Variants in MYO9A observed in about 807,000 individuals in gnomAD.
MYO9A encodes myosin IXA.
A neutral mutation model predicts 293.3 loss-of-function variants in MYO9A; 103 were observed. The ratio of observed to expected loss-of-function variants is 0.35; its 90% CI spans 0.30 to 0.41. MYO9A has a LOEUF of 0.41. Ranked by LOEUF, MYO9A falls within the 10% of genes least tolerant of loss-of-function variation. MYO9A has a pLI of 1.00. For missense variants in MYO9A, 2,685 were observed against 3,033.0 expected, an observed-to-expected ratio of 0.89 and a Z score of 2.69; for synonymous variants, 1,001 against 1,035.7, an observed-to-expected ratio of 0.97 and a Z score of 0.64.
intron 12 of MYO9A, among the ~76,000 whole-genome samples, chr15:71,968,863 T>C (rs750834016): frequency 8.5e-5 from 13 of 152,112 alleles, no homozygotes; most frequent in Non-Finnish European, 1.3e-4. Context: ...TTTCAGAAAA[T>C]AGCTTCATTT....
In MYO9A at chr15:72,077,936, A is replaced by G. The variant is rs556381794; in HGVS notation, c.-71-31302T>C. ...TAACTAAATGAAGATACTCAAAATC[A>G]TATTTGTTAGGGAACTGAAAATCAA... On this transcript the variant is annotated intron_variant, in intron 1 of 41. Coordinates refer to ENST00000356056, the MANE Select transcript of MYO9A (RefSeq NM_006901.4). Among the ~76,000 whole-genome samples the G allele has an allele frequency of 3.1e-4, 47 of 152,142 alleles. No individual in the cohort carries two copies. The East Asian group carries it at 8.5e-3, about 28-fold the overall frequency.
intron 18 of MYO9A, among the ~76,000 whole-genome samples, chr15:71,928,889 T>C (rs1408309301): frequency 1.9e-4 from 26 of 139,186 alleles, no homozygotes; most frequent in Non-Finnish European, 4.6e-5. Flanking sequence ...AGAAAGAAGA[T>C]TCCATCTCTA....
chr15:71,851,500 A>C, intron 36 of MYO9A, 142 bp from the exon 37 acceptor site: 1 of 544,982 alleles, frequency 1.8e-6, no homozygotes, highest in Non-Finnish European at 3.2e-6. Context: ...AGAGCAACTC[A>C]CAGTAACTAT....
intron 35 of MYO9A, among the ~76,000 whole-genome samples, chr15:71,853,092 T>C (rs1028421463): frequency 1.2e-5 from 1 of 81,460 alleles, no homozygotes; most frequent in Admixed American, 1.4e-4. Flanking sequence ...AGACTGTCTC[T>C]GAATGAATGA....
intron 13 of MYO9A, among the ~76,000 whole-genome samples, chr15:71,966,491 T>C (rs1418008433): frequency 1.3e-5 from 2 of 152,170 alleles, no homozygotes; most frequent in African/African-American, 4.8e-5. Flanking sequence ...TTTTACTTTT[T>C]AAACTATAGT....
At position 71,825,207 on chromosome 15, in the gene MYO9A, G is replaced by A. The variant is rs1221509330; in HGVS notation, c.*1373C>T. On this transcript the variant is annotated 3_prime_UTR_variant, in exon 42 of 42. Coordinates refer to ENST00000356056, the MANE Select transcript of MYO9A (RefSeq NM_006901.4). ...AAATGCTATTATAACTCATGTGTATGAAGACCACCCAGTGGTGAAAATGAT... is the reference window on the plus strand; with the variant it reads ...AAATGCTATTATAACTCATGTGTATAAAGACCACCCAGTGGTGAAAATGAT... 6.6e-6 allele frequency: 1 copy of A among 152,134 alleles called. No individual in the cohort carries two copies. Among genetic ancestry groups the A allele is most frequent in the South Asian group, 2.1e-4 (1 of 4,828 alleles). 9.4% of individuals were successfully genotyped at this position (152,134 alleles called of 1,614,324 possible).
At chr15:72,032,612 TA>T in intron 2 of MYO9A, 24 bp from the exon 3 acceptor site, 1 of 1,555,164 alleles carries the variant, frequency 6.4e-7, no homozygotes, top group Non-Finnish European at 8.7e-7. Context: ...TAATTCTCAT[TA>T]GTTTCACTAA....
intron 14 of MYO9A, among the ~76,000 whole-genome samples, chr15:71,956,859 AAATATAT>A (rs2059213560): frequency 3.4e-5 from 3 of 89,286 alleles, no homozygotes; most frequent in Non-Finnish European, 5.1e-5. Context: ...ACACACACAC[AAATATAT>A]ATATATATAT....
intron 8 of MYO9A, among the ~76,000 whole-genome samples, chr15:72,007,198 G>A (rs2077041271): frequency 6.6e-6 from 1 of 152,040 alleles, no homozygotes; most frequent in Non-Finnish European, 1.5e-5. Flanking sequence ...CCAGACGATA[G>A]GGCCTATAAG....
chr15:72,049,071 T>C (rs1465309798), intron 1 of MYO9A, among the ~76,000 whole-genome samples: 1 of 152,238 alleles, frequency 6.6e-6, no homozygotes, highest in East Asian at 1.9e-4. Flanking sequence ...TTATTTCATA[T>C]CTTCCTTAGC....
intron 1 of MYO9A, among the ~76,000 whole-genome samples, chr15:72,103,817 A>C (rs1165384320): frequency 6.6e-6 from 1 of 152,148 alleles, no homozygotes; most frequent in Non-Finnish European, 1.5e-5. Flanking sequence ...TTATGAAGCA[A>C]AGCAAAAAAC....
At chr15:71,990,435 T>C (rs2076511251) in intron 11 of MYO9A, among the ~76,000 whole-genome samples, 2 of 152,054 alleles carry the variant, frequency 1.3e-5, no homozygotes. Flanking sequence ...CTTACAATGA[T>C]ATGTGGACCA....
intron 1 of MYO9A, 52 bp from the exon 2 acceptor site, chr15:72,046,686 G>A: frequency 1.7e-6 from 2 of 1,206,678 alleles, no homozygotes; most frequent in Non-Finnish European, 2.2e-6. Context: ...ATTGCTTTCT[G>A]ATGCTCAAGA....
intron 4 of MYO9A, among the ~76,000 whole-genome samples, chr15:72,024,510 G>C (rs1039670066): frequency 7.9e-5 from 12 of 152,130 alleles, no homozygotes; most frequent in African/African-American, 2.7e-4. Flanking sequence ...GGCCTCAAGT[G>C]ATCTGCCCAC....
Position 72,058,339 on chromosome 15 carries a change from C to T in MYO9A, c.-71-11705G>A, listed in dbSNP as rs376239822. Among the ~76,000 whole-genome samples, 41 of 152,174 alleles carry T rather than the reference C, an allele frequency of 2.7e-4. 1 individual carries two copies. In the South Asian group the frequency reaches 5.4e-3, roughly 20 times the overall value. The stretch of plus-strand genomic sequence containing the variant: ...TTTGGGAAATCTTCACATTTTCCAT[C>T]TATAGTTATAATCAAAAATAAGTTT... On this transcript the variant is annotated intron_variant, in intron 1 of 41. Transcript: ENST00000356056.
At position 71,822,862 on chromosome 15, in the gene MYO9A, T is replaced by G. The variant is rs2054327354; in HGVS notation, c.*3718A>C. ...AATAGATCCATCTCCACAATCATCATTTTGCTGTTACCCTTTCAATACCCA... is the reference window on the plus strand; with the variant it reads ...AATAGATCCATCTCCACAATCATCAGTTTGCTGTTACCCTTTCAATACCCA... On this transcript the variant is annotated 3_prime_UTR_variant, in exon 42 of 42. Transcript: ENST00000356056. The G allele has an allele frequency of 6.6e-6, 1 of 152,088 alleles. No individual in the cohort carries two copies. The highest frequency in any genetic ancestry group is 2.4e-5 in the African/African-American group (1 of 41,394). 9.4% of individuals were successfully genotyped at this position (152,088 alleles called of 1,614,324 possible).
chr15:72,070,848 C>T (rs1343204419), intron 1 of MYO9A, among the ~76,000 whole-genome samples: 2 of 152,172 alleles, frequency 1.3e-5, no homozygotes, highest in Non-Finnish European at 2.9e-5. Context: ...ACTGGCTACC[C>T]ATATGCAGAA....
chr15:71,841,557 C>A (rs141276981), intron 39 of MYO9A, among the ~76,000 whole-genome samples: 5 of 152,200 alleles, frequency 3.3e-5, no homozygotes, highest in South Asian at 4.1e-4. Flanking sequence ...CTAGGTTAAA[C>A]CCTCCTTGGT....
At chr15:71,835,355 T>TA (rs2140838597) in intron 39 of MYO9A, among the ~76,000 whole-genome samples, 1 of 152,228 alleles carries the variant, frequency 6.6e-6, no homozygotes, top group South Asian at 2.1e-4. Flanking sequence ...GAAACTATCA[T>TA]TATTCATGAA....
Sources: allele counts gnomAD v4.1 joint callset (sites outside exome capture counted in the v4.1 genomes callset), GRCh38; gene constraint gnomAD v4.1.1; transcripts MANE v1.5; gene names NCBI Gene and HGNC (gene_info 2026-07-23, HGNC 2026-07-21).